CFAP299: variants seen among roughly 807,000 people sequenced by gnomAD.
CFAP299 encodes cilia- and flagella-associated protein 299.
CFAP299 carries 21 observed loss-of-function variants against 27.0 expected under a neutral mutation model. The ratio of observed to expected loss-of-function variants is 0.78; its 90% CI spans 0.55 to 1.12. The LOEUF (loss-of-function observed/expected upper bound fraction) is 1.12, where lower values mean the gene tolerates loss of function less well. CFAP299 is among the 50% of genes most tolerant of loss of function. The probability of loss-of-function intolerance (pLI) is 0.00; values close to 1 mark genes in which losing one functional copy is unlikely to be tolerated. For synonymous variants in CFAP299, 104 were observed against 98.1 expected (o/e 1.06, Z -0.36); for missense variants, 310 against 276.6 (o/e 1.12, Z -0.86).
chr4:80,607,872 T>C (rs1046453854), intron 3 of CFAP299, among the ~76,000 whole-genome samples: 3 of 152,122 alleles, frequency 2.0e-5, no homozygotes, highest in African/African-American at 7.2e-5. Context: ...GGAATAGAAA[T>C]GTAATTATGG....
In CFAP299 at chr4:80,803,364, T is replaced by C. The variant is rs142688902; in HGVS notation, c.334-66629T>C. 4.1e-3 allele frequency among the ~76,000 whole-genome samples: 619 copies of C among 152,192 alleles called. 4 individuals carry two copies. The highest frequency in any genetic ancestry group is 6.9e-3 in the Non-Finnish European group (468 of 67,996). On this transcript the variant is annotated intron_variant, in intron 3 of 5. Coordinates refer to ENST00000358105, the MANE Select transcript of CFAP299 (RefSeq NM_152770.3). ...ACTATTGAAATGTATTTTGAAACAT[T>C]ATTAGGATTTTGTTGAGGAAATTAA...
At chr4:80,654,305 A>G (rs1319824430) in intron 3 of CFAP299, among the ~76,000 whole-genome samples, 1 of 152,068 alleles carries the variant, frequency 6.6e-6, no homozygotes, top group Non-Finnish European at 1.5e-5. Flanking sequence ...CTCAGAGCAG[A>G]TATTTTGGTG....
chr4:80,575,740 A>C (rs1037216739), intron 2 of CFAP299, among the ~76,000 whole-genome samples: 140 of 151,574 alleles, frequency 9.2e-4, no homozygotes, highest in African/African-American at 3.2e-3. Flanking sequence ...GTTTGTTTTA[A>C]ATTTTTGTGT....
At chr4:80,387,673 G>C (rs1725090828) in intron 2 of CFAP299, 3 of 1,565,598 alleles carry the variant, frequency 1.9e-6, no homozygotes, top group South Asian at 2.2e-5. Context: ...CTTAACATTA[G>C]ACTTCTGGGC....
chr4:80,839,258 A>G (rs923803), intron 3 of CFAP299, among the ~76,000 whole-genome samples: 1,767 of 152,278 alleles, frequency 0.012, 34 homozygotes, highest in African/African-American at 0.039. Flanking sequence ...CATCCTCATC[A>G]TTATTTTCAG....
intron 4 of CFAP299, among the ~76,000 whole-genome samples, chr4:80,875,041 C>G (rs923286520): frequency 6.6e-6 from 1 of 151,848 alleles, no homozygotes; most frequent in African/African-American, 2.4e-5. Flanking sequence ...GTTTTTAATG[C>G]GACTACTAGA....
At chr4:80,397,810 C>G (rs1049830075) in intron 2 of CFAP299, among the ~76,000 whole-genome samples, 1 of 152,104 alleles carries the variant, frequency 6.6e-6, no homozygotes, top group Admixed American at 6.5e-5. Context: ...CACTCGTATT[C>G]AACATAGTGT....
At chr4:80,373,959 G>C (rs540445362) in intron 2 of CFAP299, among the ~76,000 whole-genome samples, 1 of 152,202 alleles carries the variant, frequency 6.6e-6, no homozygotes, top group Admixed American at 6.5e-5. Flanking sequence ...TGAGTTTTCT[G>C]GTCTCACACA....
chr4:80,911,947 A>G (rs1382569640), intron 4 of CFAP299, among the ~76,000 whole-genome samples: 1 of 1,094 alleles, frequency 9.1e-4, no homozygotes, highest in Non-Finnish European at 4.8e-3. Flanking sequence ...TTGCCTCAAA[A>G]TAAAAAAAAA....
intron 3 of CFAP299, among the ~76,000 whole-genome samples, chr4:80,655,953 C>T (rs1432878324): frequency 1.3e-5 from 2 of 152,122 alleles, no homozygotes; most frequent in Non-Finnish European, 2.9e-5. Flanking sequence ...TTCTTCTAGT[C>T]AAAGGTGGAA....
At chr4:80,397,534 C>G (rs1251901309) in intron 2 of CFAP299, among the ~76,000 whole-genome samples, 1 of 152,096 alleles carries the variant, frequency 6.6e-6, no homozygotes, top group Non-Finnish European at 1.5e-5. Context: ...ATAAATTTCC[C>G]TCTACACACT....
chr4:80,546,762 G>C (rs1384524995), intron 2 of CFAP299, among the ~76,000 whole-genome samples: 2 of 152,098 alleles, frequency 1.3e-5, no homozygotes, highest in South Asian at 4.1e-4. Context: ...CTTACACCAT[G>C]AGTAAAAGTT....
At chr4:80,603,694 C>T (rs372402954) in intron 3 of CFAP299, among the ~76,000 whole-genome samples, 1 of 152,162 alleles carries the variant, frequency 6.6e-6, no homozygotes. Context: ...ATAGTGACCT[C>T]AATTCCAACA....
chr4:80,870,813 T>C (rs1418000675), intron 4 of CFAP299: 1 of 985,006 alleles, frequency 1.0e-6, no homozygotes, highest in Non-Finnish European at 1.2e-6. Context: ...CATTATTTGA[T>C]GATTATAACA....
intron 2 of CFAP299, among the ~76,000 whole-genome samples, chr4:80,518,790 G>A (rs1295277678): frequency 6.6e-6 from 1 of 152,126 alleles, no homozygotes; most frequent in Non-Finnish European, 1.5e-5. Context: ...CCCTCAAGTT[G>A]CTTAGAATTA....
At chr4:80,731,948 C>A (rs1305554258) in intron 3 of CFAP299, among the ~76,000 whole-genome samples, 1 of 151,972 alleles carries the variant, frequency 6.6e-6, no homozygotes, top group African/African-American at 2.4e-5. Context: ...TTATAAGATA[C>A]AACCCTTAAT....
intron 3 of CFAP299, among the ~76,000 whole-genome samples, chr4:80,831,557 T>G (rs1434319635): frequency 1.3e-5 from 2 of 152,128 alleles, no homozygotes; most frequent in Non-Finnish European, 2.9e-5. Context: ...GTGGGAGGGC[T>G]TATTAAAATA....
At chr4:80,768,495 G>A (rs1302310778) in intron 3 of CFAP299, among the ~76,000 whole-genome samples, 1 of 152,116 alleles carries the variant, frequency 6.6e-6, no homozygotes, top group Non-Finnish European at 1.5e-5. Flanking sequence ...CTACTGTTAA[G>A]TTTATACACA....
chr4:80,581,200 A>C (rs1305832260), intron 2 of CFAP299, among the ~76,000 whole-genome samples: 1 of 151,750 alleles, frequency 6.6e-6, no homozygotes, highest in African/African-American at 2.4e-5. Flanking sequence ...TTAGAAGCTT[A>C]TCCTGTGAGC....
Sources: allele counts gnomAD v4.1 joint callset (sites outside exome capture counted in the v4.1 genomes callset), GRCh38; gene constraint gnomAD v4.1.1; transcripts MANE v1.5; gene names NCBI Gene and HGNC (gene_info 2026-07-23, HGNC 2026-07-21).